The following ZNF600 variants were observed in gnomAD, a reference collection of about 807,000 sequenced individuals.
ZNF600 encodes zinc finger protein 600.
ZNF600 carries 4 observed loss-of-function variants against 7.3 expected under a neutral mutation model. The observed-to-expected ratio is 0.55, with a 90% CI of 0.27 to 1.25. The LOEUF is 1.25. Among genes scored for constraint, ZNF600 ranks in the 50% most tolerant of loss-of-function variants. The probability of loss-of-function intolerance (pLI) is 0.12; values close to 1 mark genes in which losing one functional copy is unlikely to be tolerated. For missense variants in ZNF600, 911 were observed against 922.1 expected (o/e 0.99, Z 0.16); for synonymous variants, 290 against 308.9 (o/e 0.94, Z 0.64).
chr19:52,831,604 G>A, the ZNF600 span, among the ~76,000 whole-genome samples: 1 of 151,796 alleles, frequency 6.6e-6, no homozygotes, highest in African/African-American at 2.4e-5. Flanking sequence ...CCAGATTCAC[G>A]CCACTCTCCT....
chr19:52,786,831 T>C, upstream of ZNF600: 1 of 304,960 alleles, frequency 3.3e-6, no homozygotes, highest in Non-Finnish European at 7.0e-6. Flanking sequence ...CTGGGCGGGG[T>C]AGAGGCGGGG....
At chr19:52,823,103 A>G in the ZNF600 span, among the ~76,000 whole-genome samples, 1 of 152,232 alleles carries the variant, frequency 6.6e-6, no homozygotes, top group South Asian at 2.1e-4. Context: ...TTATCACTCC[A>G]TAAGAAGGGA....
chr19:52,800,195 C>G, the ZNF600 span: 1 of 1,606,574 alleles, frequency 6.2e-7, no homozygotes, highest in Admixed American at 1.7e-5. Flanking sequence ...CACATTTGTA[C>G]GGTTTCTCTG....
the ZNF600 span, among the ~76,000 whole-genome samples, chr19:52,809,233 T>A: frequency 6.6e-6 from 1 of 152,186 alleles, no homozygotes; most frequent in East Asian, 1.9e-4. Flanking sequence ...CCTGGAGGAA[T>A]GTTCAGATAT....
At chr19:52,790,797 CT>C (rs2062789241), upstream of ZNF600, among the ~76,000 whole-genome samples, 1 of 150,580 alleles carries the variant, frequency 6.6e-6, no homozygotes, top group Admixed American at 6.7e-5. Flanking sequence ...AGTGACTCTC[CT>C]GCCTCAGCCT....
At chr19:52,793,077 G>A in the ZNF600 span, among the ~76,000 whole-genome samples, 743 of 150,770 alleles carry the variant, frequency 4.9e-3, 4 homozygotes, top group Non-Finnish European at 7.7e-3. Context: ...ATTAATGCTC[G>A]AACTCAATGT....
chr19:52,786,695 A>G (rs2062766550), exon 1 of ZNF600: 2 of 273,730 alleles, frequency 7.3e-6, no homozygotes, highest in Admixed American at 3.5e-5. Flanking sequence ...GGGACCTGGG[A>G]AGTGCAGACT....
At chr19:52,768,607 A>G (rs1399762795) in intron 3 of ZNF600, among the ~76,000 whole-genome samples, 2 of 151,864 alleles carry the variant, frequency 1.3e-5, no homozygotes, top group Non-Finnish European at 2.9e-5. Flanking sequence ...GTGCCATGGC[A>G]TGATCTCAGC....
chr19:52,809,399 C>G, the ZNF600 span, among the ~76,000 whole-genome samples: 1 of 151,926 alleles, frequency 6.6e-6, no homozygotes, highest in African/African-American at 2.4e-5. Context: ...CATGTAAATT[C>G]ACAACTAGCA....
the ZNF600 span, among the ~76,000 whole-genome samples, chr19:52,803,219 G>A: frequency 1.3e-5 from 2 of 152,074 alleles, no homozygotes; most frequent in Non-Finnish European, 2.9e-5. Flanking sequence ...TGGGAATGCA[G>A]GCACATGCCA....
chr19:52,769,913 A>G (rs566077031), intron 3 of ZNF600, among the ~76,000 whole-genome samples: 2 of 152,312 alleles, frequency 1.3e-5, no homozygotes, highest in South Asian at 2.1e-4. Context: ...ACATACCGAA[A>G]AGCCATATGC....
At chr19:52,774,431 A>T in intron 3 of ZNF600, 144 bp downstream of exon 5, 2 of 902,308 alleles carry the variant, frequency 2.2e-6, no homozygotes, top group Non-Finnish European at 2.6e-6. Flanking sequence ...ATCCATCTCA[A>T]ACAAAAAAAC....
At chr19:52,808,629 C>CAA in the ZNF600 span, among the ~76,000 whole-genome samples, 1 of 122,226 alleles carries the variant, frequency 8.2e-6, no homozygotes, top group African/African-American at 3.0e-5. Context: ...AACTCCATCT[C>CAA]AAAAAAAAAA....
At chr19:52,783,163 TA>T (rs1372386454) in intron 1 of ZNF600, among the ~76,000 whole-genome samples, 3 of 151,854 alleles carry the variant, frequency 2.0e-5, no homozygotes, top group Admixed American at 6.6e-5. Context: ...GCCATCATTA[TA>T]AAATGCACCA....
At position 52,782,942 on chromosome 19, in the gene ZNF600, GA is replaced by G. The variant is rs71183834; in HGVS notation, c.-20+3652del. Among the ~76,000 whole-genome samples, 15 of 150,752 alleles carry G rather than the reference GA, an allele frequency of 1.0e-4. No homozygotes were observed. In the East Asian group the frequency reaches 2.9e-3, roughly 29 times the overall value. On this transcript the variant is annotated intron_variant, in intron 1 of 3. Transcript: ENST00000648973. ...ACTAAACTAATGAAGAGAGGAACTA[GA>G]AAAAAAAATTACAAAAAGAGAACAA...
the ZNF600 span, among the ~76,000 whole-genome samples, chr19:52,823,484 G>A: frequency 4.8e-3 from 735 of 152,264 alleles, 7 homozygotes; most frequent in African/African-American, 0.016. Context: ...CCAAAGTGCT[G>A]AGACTACAGG....
chr19:52,825,098 T>G, the ZNF600 span, among the ~76,000 whole-genome samples: 1 of 152,014 alleles, frequency 6.6e-6, no homozygotes, highest in East Asian at 1.9e-4. Flanking sequence ...GGGGTAGGGA[T>G]GGAATCTTCC....
At chr19:52,829,218 A>ATTTTATTTTATTT in the ZNF600 span, among the ~76,000 whole-genome samples, 2 of 101,478 alleles carry the variant, frequency 2.0e-5, no homozygotes, top group South Asian at 2.5e-4. Flanking sequence ...ATTTTATTTT[A>ATTTTATTTTATTT]TTTTATTTTA....
the ZNF600 span, among the ~76,000 whole-genome samples, chr19:52,812,880 T>C: frequency 2.6e-5 from 4 of 151,452 alleles, no homozygotes; most frequent in Non-Finnish European, 5.9e-5. Context: ...ACTATAGTTT[T>C]AAGGCTACTT....
Sources: gnomAD v4.1 joint callset for allele counts (sites outside exome capture counted in the v4.1 genomes callset) on GRCh38, gnomAD v4.1.1 for gene constraint, MANE v1.5 for transcripts, NCBI Gene and HGNC (gene_info 2026-07-23, HGNC 2026-07-21) for gene names.